The following ARHGAP31 variants were observed in gnomAD, a reference collection of about 807,000 sequenced individuals.
ARHGAP31 encodes the protein rho GTPase-activating protein 31.
Under a neutral mutation model 113.9 loss-of-function variants are expected in ARHGAP31, and 34 were observed. The ratio of observed to expected loss-of-function variants is 0.30; its 90% CI spans 0.23 to 0.40. The LOEUF (loss-of-function observed/expected upper bound fraction) is 0.40, where lower values mean the gene tolerates loss of function less well. Ranked by LOEUF, ARHGAP31 falls within the 10% of genes least tolerant of loss-of-function variation. The probability of loss-of-function intolerance (pLI) is 1.00; values close to 1 mark genes in which losing one functional copy is unlikely to be tolerated. For synonymous variants in ARHGAP31, 650 were observed against 684.8 expected (o/e 0.95, Z 0.79); for missense variants, 1,548 against 1,767.1 (o/e 0.88, Z 2.22).
intron 1 of ARHGAP31, among the ~76,000 whole-genome samples, chr3:119,318,696 T>A (rs1310972697): frequency 6.6e-6 from 1 of 152,248 alleles, no homozygotes; most frequent in Admixed American, 6.5e-5. Flanking sequence ...TAGAACTTTT[T>A]TACTCTTGAA....
At chr3:119,305,725 G>A (rs2079626222) in intron 1 of ARHGAP31, among the ~76,000 whole-genome samples, 1 of 152,204 alleles carries the variant, frequency 6.6e-6, no homozygotes, top group Admixed American at 6.5e-5. Flanking sequence ...TGGTGCTAAT[G>A]GAGAAGAGCC....
chr3:119,355,029 C>T lies in ARHGAP31; in HGVS notation c.101-10287C>T, dbSNP rs1164679093. Among the ~76,000 whole-genome samples, 6 of 152,158 alleles carry T rather than the reference C, an allele frequency of 3.9e-5. No homozygotes were observed. In the East Asian group the frequency reaches 1.2e-3, roughly 29 times the overall value. Reference sequence around the variant, plus strand: ...ATCCACTCTCCTCAAATCACACCTCCAAAGTTGCCACTATAGGACCTGCCT... The same window carrying T: ...ATCCACTCTCCTCAAATCACACCTCTAAAGTTGCCACTATAGGACCTGCCT... On this transcript the variant is annotated intron_variant, in intron 1 of 11. Coordinates refer to ENST00000264245, the MANE Select transcript of ARHGAP31 (RefSeq NM_020754.4).
intron 1 of ARHGAP31, chr3:119,330,057 T>G: frequency 1.1e-6 from 1 of 949,578 alleles, no homozygotes; most frequent in Non-Finnish European, 1.3e-6. Flanking sequence ...TGGTAGATAT[T>G]TCCATTCAAT....
intron 8 of ARHGAP31, among the ~76,000 whole-genome samples, chr3:119,397,408 C>G (rs575482074): frequency 6.6e-5 from 10 of 152,308 alleles, no homozygotes; most frequent in African/African-American, 2.4e-4. Context: ...CAGAGAAATT[C>G]CAGAAATACA....
In ARHGAP31 at chr3:119,380,956, T is replaced by C. The variant is rs1474770985; in HGVS notation, c.401T>C (p.Val134Ala). ...EEGQLARIQN[V>A]IQELPPSHYR... Reference sequence around the variant, plus strand: ...GGCCAACTGGCCCGAATCCAAAATGTTATCCAGGAGCTTCCTCCATCCCAC... The same window carrying C: ...GGCCAACTGGCCCGAATCCAAAATGCTATCCAGGAGCTTCCTCCATCCCAC... The change falls in exon 4 of 12, where the codon GTT becomes GCT. Residue 134 changes from valine (V) to alanine (A), a missense_variant. Coordinates refer to ENST00000264245, the MANE Select transcript of ARHGAP31 (RefSeq NM_020754.4). The C allele has an allele frequency of 6.2e-7, 1 of 1,614,158 alleles. No individual in the cohort carries two copies. Among genetic ancestry groups the C allele is most frequent in the Non-Finnish European group, 8.5e-7 (1 of 1,179,984 alleles).
chr3:119,382,325 T>G lies in ARHGAP31; in HGVS notation c.465T>G (p.His155Gln). 6.2e-7 allele frequency: 1 copy of G among 1,614,130 alleles called. No individual in the cohort carries two copies. Among genetic ancestry groups the G allele is most frequent in the South Asian group, 1.1e-5 (1 of 91,064 alleles). The change falls in exon 5 of 12, where the codon CAT becomes CAG. Residue 155 changes from histidine to glutamine, a missense_variant. By Grantham distance (24) the His-to-Gln change is conservative. Transcript: ENST00000264245. ...TLEYLIRHLA[H>Q]IASFSSKTNM... is the part of the protein sequence containing the mutation. ...AATACCTGATTCGACACCTGGCCCA[T>G]ATCGCCTCCTTCAGCAGCAAGACCA...
At chr3:119,326,874 G>A (rs1026723859) in intron 1 of ARHGAP31, among the ~76,000 whole-genome samples, 5 of 152,098 alleles carry the variant, frequency 3.3e-5, no homozygotes, top group Admixed American at 1.3e-4. Context: ...GGGTTGGCTC[G>A]CACCTGTAAT....
intron 1 of ARHGAP31, among the ~76,000 whole-genome samples, 156 bp downstream of exon 1, chr3:119,295,160 A>G (rs1447615323): frequency 1.3e-5 from 2 of 150,188 alleles, no homozygotes; most frequent in Admixed American, 6.6e-5. Flanking sequence ...TTTAAAGAAC[A>G]TAAACGATTC....
chr3:119,368,336 C>T lies in ARHGAP31; in HGVS notation c.204-36C>T, dbSNP rs750402266. On this transcript the variant is annotated intron_variant, in intron 2 of 11. Transcript: ENST00000264245. The stretch of plus-strand genomic sequence containing the variant: ...AGCTGCTGACATGGAACACACACTC[C>T]CTGGGATTGTTATGTCTCCGTCTGT... The T allele has an allele frequency of 1.9e-6, 3 of 1,613,446 alleles. No individual in the cohort carries two copies. In the Admixed American group the frequency reaches 5.0e-5, roughly 27 times the overall value.
At chr3:119,318,854 A>G (rs1371270738) in intron 1 of ARHGAP31, among the ~76,000 whole-genome samples, 1 of 152,224 alleles carries the variant, frequency 6.6e-6, no homozygotes, top group Non-Finnish European at 1.5e-5. Context: ...GAAAAAATTG[A>G]GAAGGTGAAA....
chr3:119,338,533 G>T (rs553380356), intron 1 of ARHGAP31, among the ~76,000 whole-genome samples: 1 of 152,292 alleles, frequency 6.6e-6, no homozygotes, highest in South Asian at 2.1e-4. Context: ...GACATAGGGT[G>T]CAGACTTCAA....
chr3:119,327,063 C>T (rs2079851276), intron 1 of ARHGAP31, among the ~76,000 whole-genome samples: 1 of 151,844 alleles, frequency 6.6e-6, no homozygotes, highest in South Asian at 2.1e-4. Context: ...TGGCTTGGGT[C>T]CAGGAGACGG....
chr3:119,414,040 G>C lies in ARHGAP31; in HGVS notation c.2111G>C (p.Cys704Ser), dbSNP rs1387076749. ...IPSEPPGSLPCGSFPAPVSTP... is the reference protein window; with the variant it reads ...IPSEPPGSLPSGSFPAPVSTP... ...TCAGAGCCTCCTGGGAGCTTGCCTT[G>C]TGGCTCCTTCCCTGCTCCAGTCTCC... The change falls in exon 12 of 12, where the codon TGT becomes TCT. Residue 704 changes from cysteine to serine, a missense_variant. By Grantham distance (112) the Cys-to-Ser change is moderately radical. Transcript: ENST00000264245. 1.2e-6 allele frequency: 2 copies of C among 1,614,136 alleles called. No homozygotes were observed. Among genetic ancestry groups the C allele is most frequent in the Non-Finnish European group, 1.7e-6 (2 of 1,180,028 alleles).
At chr3:119,399,448 ACTCCAGGGCTAGGCCTAAAGAGCCATC>A (rs1190589406) in intron 9 of ARHGAP31, among the ~76,000 whole-genome samples, 187 bp downstream of exon 9, 1 of 151,834 alleles carries the variant, frequency 6.6e-6, no homozygotes, top group Non-Finnish European at 1.5e-5. Flanking sequence ...CCCCTACCTT[ACTCCAGGGCTAGGCCTAAAGAGCCATC>A]CTCTTTGCCC....
rs746242880 is a variant in ARHGAP31 at position 119,390,787 on chromosome 3, A to G, written c.685A>G (p.Asn229Asp). 1 of 1,612,172 alleles carries G rather than the reference A, an allele frequency of 6.2e-7. No homozygotes were observed. Among genetic ancestry groups the G allele is most frequent in the East Asian group, 2.2e-5 (1 of 44,882 alleles). Reference sequence around the variant, plus strand: ...GAGCTCTTCCATTGCCTTTACAGAAAACCGGCCCATCATGAAGAGCCTGAC... The same window carrying G: ...GAGCTCTTCCATTGCCTTTACAGAAGACCGGCCCATCATGAAGAGCCTGAC... ...GAPGSLENDE[N>D]RPIMKSLTLP... Residue 229 changes from asparagine (N) to aspartate (D), a missense_variant and splice_region_variant, in exon 7 of 12, where the codon AAC becomes GAC. Physicochemically the swap from Asn to Asp is conservative, Grantham distance 23. Coordinates refer to ENST00000264245, the MANE Select transcript of ARHGAP31 (RefSeq NM_020754.4).
chr3:119,317,068 C>A (rs1428240410), intron 1 of ARHGAP31, among the ~76,000 whole-genome samples: 2 of 152,174 alleles, frequency 1.3e-5, no homozygotes, highest in Non-Finnish European at 1.5e-5. Context: ...AAATAGCCTG[C>A]AGAACACATA....
chr3:119,329,921 G>A (rs2079876809), intron 1 of ARHGAP31: 1 of 985,348 alleles, frequency 1.0e-6, no homozygotes, highest in Non-Finnish European at 1.2e-6. Flanking sequence ...GACCCTGTCT[G>A]GGTAAACAAA....
In ARHGAP31 at chr3:119,416,124, A is replaced by C; in HGVS notation, c.4195A>C (p.Thr1399Pro). 6.2e-7 allele frequency: 1 copy of C among 1,614,226 alleles called. No individual in the cohort carries two copies. Among genetic ancestry groups the C allele is most frequent in the Non-Finnish European group, 8.5e-7 (1 of 1,180,038 alleles). Residue 1399 changes from threonine (T) to proline (P), a missense_variant, in exon 12 of 12, where the codon ACA becomes CCA. Coordinates refer to ENST00000264245, the MANE Select transcript of ARHGAP31 (RefSeq NM_020754.4). ...CGELAENTWV[T>P]PEGVTLRNKM... is the part of the protein sequence containing the mutation. ...AGAGTTGGCAGAAAACACATGGGTCACACCAGAAGGGGTTACACTTAGGAA... is the reference window on the plus strand; with the variant it reads ...AGAGTTGGCAGAAAACACATGGGTCCCACCAGAAGGGGTTACACTTAGGAA...
intron 6 of ARHGAP31, among the ~76,000 whole-genome samples, chr3:119,388,405 T>G (rs6766899): frequency 0.81 from 122,894 of 151,048 alleles, 50,254 homozygotes; most frequent in East Asian, 0.91. Context: ...GCAGATGAAA[T>G]ATCCTTTTAG....
Sources: gnomAD v4.1 joint callset for allele counts (sites outside exome capture counted in the v4.1 genomes callset) on GRCh38, gnomAD v4.1.1 for gene constraint, MANE v1.5 for transcripts, NCBI Gene and HGNC (gene_info 2026-07-23, HGNC 2026-07-21) for gene names.